TMEM255B: variants seen among roughly 807,000 people sequenced by gnomAD.
TMEM255B encodes the protein transmembrane protein 255B, also known as family with sequence similarity 70, member B.
A neutral mutation model predicts 34.5 loss-of-function variants in TMEM255B; 35 were observed. The ratio of observed to expected loss-of-function variants is 1.01; its 90% CI spans 0.77 to 1.34. The LOEUF (loss-of-function observed/expected upper bound fraction) is 1.34, where lower values mean the gene tolerates loss of function less well. Ranked by LOEUF, TMEM255B falls within the 40% of genes most tolerant of loss-of-function variation. The probability of loss-of-function intolerance (pLI) is 0.00; values close to 1 mark genes in which losing one functional copy is unlikely to be tolerated. For missense variants in TMEM255B, 432 were observed against 433.2 expected (o/e 1.00, Z 0.02); for synonymous variants, 206 against 201.2 (o/e 1.02, Z -0.20).
chr13:113,761,063 C>T, intron 1 of TMEM255B: 1 of 469,314 alleles, frequency 2.1e-6, no homozygotes, highest in Non-Finnish European at 2.8e-6. Flanking sequence ...CTACCCTGGG[C>T]ATGTGTAAAA....
intron 8 of TMEM255B, 135 bp from the exon 9 acceptor site, chr13:113,811,601 T>C (rs1309000620): frequency 2.1e-6 from 2 of 942,932 alleles, no homozygotes; most frequent in Non-Finnish European, 3.0e-6. Context: ...TGAATGGCCC[T>C]GAGTCTGCGG....
rs76727142 is a variant in TMEM255B, at chr13:113,777,413, C to A, written c.252+8253C>A. On this transcript the variant is annotated intron_variant, in intron 3 of 8. Coordinates refer to ENST00000375353, the MANE Select transcript of TMEM255B (RefSeq NM_182614.4). ...CCTGTCAAGCCTGGTGGAGTGCCTG[C>A]CCGTTCCCAGTACAGGGCTGGACAG... is the stretch of plus-strand genomic sequence containing the variant. Among the ~76,000 whole-genome samples, 982 of 152,300 alleles carry A rather than the reference C, an allele frequency of 6.4e-3. 11 individuals carry two copies. The highest frequency in any genetic ancestry group is 0.021 in the African/African-American group (885 of 41,562).
Position 113,806,824 on chromosome 13 carries a change from T to C in TMEM255B, c.813+1796T>C, listed in dbSNP as rs372923517. ...GCCCAGAACTGGAGGCCCGCAGGGG[T>C]AGAAGGAGGAGGCCCGCAGGGGCAG... On this transcript the variant is annotated intron_variant, in intron 8 of 8. Coordinates refer to ENST00000375353, the MANE Select transcript of TMEM255B (RefSeq NM_182614.4). This position sits in a 1 kb window ranked among gnomAD's most constrained non-coding sequence, Gnocchi z 4.2. Among the ~76,000 whole-genome samples the C allele has an allele frequency of 0.013, 1,468 of 112,626 alleles. 18 individuals carry two copies. Among genetic ancestry groups the C allele is most frequent in the African/African-American group, 0.046 (1,413 of 30,448 alleles). 73.9% of individuals were successfully genotyped at this position (112,626 alleles called of 152,430 possible). A position where few individuals can be genotyped will look rare whatever the true frequency, so the allele number is the denominator to read the frequency against.
At chr13:113,768,616 G>A (rs376129945) in intron 2 of TMEM255B, among the ~76,000 whole-genome samples, 179 of 152,304 alleles carry the variant, frequency 1.2e-3, no homozygotes, top group African/African-American at 3.6e-3. Context: ...TCACTCTCCC[G>A]AAGCAGCAAC....
chr13:113,793,735 C>T (rs571609227), intron 3 of TMEM255B, among the ~76,000 whole-genome samples: 5 of 152,228 alleles, frequency 3.3e-5, no homozygotes, highest in Admixed American at 6.5e-5. Flanking sequence ...TGAGGGTGCC[C>T]ACTGTTTAAA....
Position 113,800,895 on chromosome 13 carries a change from C to T in TMEM255B, c.492C>T (p.Asp164=). Residue 164 remains aspartate, a synonymous_variant, in exon 6 of 9, where the codon GAC becomes GAT. Transcript: ENST00000375353. ...GAAGCAACACCTGTTACTGCTGTGA[C>T]CTCTATGCCTGCGGGAGGTGAGGGG... ...KVRSNTCYCC[D]LYACGSAEPS... 6.2e-7 allele frequency: 1 copy of T among 1,609,994 alleles called. No individual in the cohort carries two copies. The highest frequency in any genetic ancestry group is 8.5e-7 in the Non-Finnish European group (1 of 1,178,756).
Position 113,812,874 on chromosome 13 carries a change from T to C in TMEM255B, c.*971T>C, listed in dbSNP as rs571046249. 1,673 of 128,212 alleles carry C rather than the reference T, an allele frequency of 0.013. 120 individuals are homozygous for C. Among genetic ancestry groups the C allele is most frequent in the African/African-American group, 0.068 (1,462 of 21,444 alleles). 7.9% of individuals were successfully genotyped at this position (128,212 alleles called of 1,614,324 possible). The stretch of plus-strand genomic sequence containing the variant: ...ACAGGCATCCCGGGTGGGTCACAGG[T>C]CCCGAGTGGGTCACAGGCCCCGGGT... On this transcript the variant is annotated 3_prime_UTR_variant, in exon 9 of 9. Coordinates refer to ENST00000375353, the MANE Select transcript of TMEM255B (RefSeq NM_182614.4).
chr13:113,767,775 CG>C (rs1277785962), intron 2 of TMEM255B, among the ~76,000 whole-genome samples: 2 of 152,142 alleles, frequency 1.3e-5, no homozygotes, highest in Non-Finnish European at 2.9e-5. Flanking sequence ...TCAGAAGAAG[CG>C]GCCAGAACGT....
chr13:113,789,376 G>T (rs1206575294), intron 3 of TMEM255B, among the ~76,000 whole-genome samples: 3 of 152,216 alleles, frequency 2.0e-5, no homozygotes, highest in Admixed American at 6.5e-5. Flanking sequence ...GGGCTATGGA[G>T]AGTGGGTTGC....
chr13:113,777,510 G>C (rs1337328526), intron 3 of TMEM255B, among the ~76,000 whole-genome samples: 2 of 152,180 alleles, frequency 1.3e-5, no homozygotes, highest in African/African-American at 4.8e-5. Context: ...GAGGCGCGGT[G>C]GCCCCGGCTG....
At chr13:113,796,910 C>T (rs772097063) in intron 4 of TMEM255B, among the ~76,000 whole-genome samples, 8 of 151,522 alleles carry the variant, frequency 5.3e-5, no homozygotes, top group East Asian at 2.0e-4. Context: ...AACACACGTG[C>T]GTGCGCACGC....
At chr13:113,797,272 C>T (rs2050959796) in intron 4 of TMEM255B, among the ~76,000 whole-genome samples, 2 of 152,246 alleles carry the variant, frequency 1.3e-5, no homozygotes, top group Admixed American at 6.5e-5. Flanking sequence ...GATGCGCAGA[C>T]AGCACTCACT....
At chr13:113,775,778 G>A (rs1242775949) in intron 3 of TMEM255B, among the ~76,000 whole-genome samples, 4 of 152,234 alleles carry the variant, frequency 2.6e-5, no homozygotes, top group Admixed American at 1.3e-4. Flanking sequence ...CACCACCGAG[G>A]CCTCTTTCCC....
At chr13:113,802,177 A>T (rs993814185) in intron 7 of TMEM255B, among the ~76,000 whole-genome samples, 1 of 152,204 alleles carries the variant, frequency 6.6e-6, no homozygotes, top group Non-Finnish European at 1.5e-5. Context: ...GGCTGAGCTG[A>T]TGCCTTAGCA....
Position 113,812,943 on chromosome 13 carries a change from G to A in TMEM255B, c.*1040G>A, listed in dbSNP as rs11620480. On this transcript the variant is annotated 3_prime_UTR_variant, in exon 9 of 9. Transcript: ENST00000375353. The stretch of plus-strand genomic sequence containing the variant: ...GAGTCACGGGTCCCGGGTGGGTCAC[G>A]GGTCCCGGGTGGGTCACGGGCCCCG... 0.64 allele frequency: 72,421 copies of A among 114,034 alleles called. 22,707 individuals carry two copies. The highest frequency in any genetic ancestry group is 0.89 in the East Asian group (3,572 of 3,992). The allele number at this position is 114,034 out of a possible 1,614,324, so 7.1% of individuals were successfully genotyped here.
At position 113,813,330 on chromosome 13, in the gene TMEM255B, C is replaced by A. The variant is rs534967117; in HGVS notation, c.*1427C>A. On this transcript the variant is annotated 3_prime_UTR_variant, in exon 9 of 9. Transcript: ENST00000375353. The stretch of plus-strand genomic sequence containing the variant: ...CCGCTCTCAGGGCCTCACGTCCCTC[C>A]CTGCAAAGCCCCCCGTGCCTACGAT... 3.2e-3 allele frequency: 486 copies of A among 152,444 alleles called. 3 individuals are homozygous for A. The highest frequency in any genetic ancestry group is 5.4e-3 in the Non-Finnish European group (368 of 68,156). The allele number at this position is 152,444 out of a possible 1,614,324, so 9.4% of individuals were successfully genotyped here. A position where few individuals can be genotyped will look rare whatever the true frequency, so the allele number is the denominator to read the frequency against.
At chr13:113,765,400 A>C (rs1379339188) in intron 1 of TMEM255B, among the ~76,000 whole-genome samples, 3 of 152,224 alleles carry the variant, frequency 2.0e-5, no homozygotes, top group Admixed American at 6.5e-5. Context: ...CGGACCTTCT[A>C]GGGTGTGGAC....
At chr13:113,787,208 G>A (rs1373658826) in intron 3 of TMEM255B, among the ~76,000 whole-genome samples, 7 of 152,162 alleles carry the variant, frequency 4.6e-5, no homozygotes, top group Admixed American at 2.6e-4. Context: ...GGGTGTTTTC[G>A]GAAGAGCTAC....
At position 113,770,446 on chromosome 13, in the gene TMEM255B, C is replaced by T. The variant is rs1362587180; in HGVS notation, c.252+1286C>T. ...CATGGGACCCAGCAAACTCCCACTG[C>T]TGCCCAGGAGACTGACCCTTGGGCA... On this transcript the variant is annotated intron_variant, in intron 3 of 8. Transcript: ENST00000375353. The surrounding 1 kb of genome is among the most constrained non-coding windows in gnomAD (Gnocchi z 4.6). Among the ~76,000 whole-genome samples the T allele has an allele frequency of 2.6e-5, 4 of 152,200 alleles. No homozygotes were observed. The highest frequency in any genetic ancestry group is 4.4e-5 in the Non-Finnish European group (3 of 68,036).
Sources: allele counts gnomAD v4.1 joint callset (sites outside exome capture counted in the v4.1 genomes callset), GRCh38; gene constraint gnomAD v4.1.1; non-coding constraint Gnocchi (gnomAD v3.1); transcripts MANE v1.5; gene names NCBI Gene and HGNC (gene_info 2026-07-23, HGNC 2026-07-21).